VAC14: variants seen among roughly 807,000 people sequenced by gnomAD.
The protein encoded by VAC14 is protein VAC14 homolog.
In VAC14, 47 loss-of-function variants were observed where a neutral mutation model predicts 85.3. That is an observed-to-expected ratio of 0.55 (90% CI 0.44 to 0.70). The LOEUF (loss-of-function observed/expected upper bound fraction) is 0.70. Ranked by LOEUF, VAC14 falls within the 30% of genes least tolerant of loss-of-function variation. The probability of loss-of-function intolerance (pLI) is 0.00; values close to 1 mark genes in which losing one functional copy is unlikely to be tolerated. For missense variants in VAC14, 861 were observed against 1,004.3 expected, an observed-to-expected ratio of 0.86 and a Z score of 1.93; for synonymous variants, 447 against 430.5, an observed-to-expected ratio of 1.04 and a Z score of -0.47.
At chr16:70,783,240 C>T (rs1033184138) in intron 6 of VAC14, 101 bp from the exon 7 acceptor site, 29 of 1,313,080 alleles carry the variant, frequency 2.2e-5, no homozygotes, top group Middle Eastern at 1.9e-4. Flanking sequence ...ACCCAGAGGG[C>T]GGCTTGGCTT....
Position 70,744,455 on chromosome 16 carries a change from G to A in VAC14, c.1496C>T (p.Thr499Ile). Residue 499 changes from threonine (T) to isoleucine (I), a missense_variant, in exon 13 of 19, where the codon ACC becomes ATC. Transcript: ENST00000261776. Reference protein sequence around the residue: ...QASHSELQVPTPGRAGLLNTS... With the variant: ...QASHSELQVPIPGRAGLLNTS... ...GTTCAGTAGGCCGGCTCTGCCAGGGGTGGGCACCTGGAGCTCTGAGTGGCT... is the reference window on the plus strand; with the variant it reads ...GTTCAGTAGGCCGGCTCTGCCAGGGATGGGCACCTGGAGCTCTGAGTGGCT... 3.7e-6 allele frequency: 6 copies of A among 1,614,084 alleles called. No homozygotes were observed. The highest frequency in any genetic ancestry group is 5.1e-6 in the Non-Finnish European group (6 of 1,180,024).
chr16:70,731,716 G>T (rs1304973644), intron 13 of VAC14, 89 bp from the exon 14 acceptor site: 2 of 1,403,216 alleles, frequency 1.4e-6, no homozygotes, highest in East Asian at 4.7e-5. Flanking sequence ...AACTATAAAT[G>T]CCAAAAAGAT....
chr16:70,791,438 G>A (rs561655214), intron 1 of VAC14, among the ~76,000 whole-genome samples: 4 of 152,124 alleles, frequency 2.6e-5, no homozygotes, highest in Non-Finnish European at 5.9e-5. Context: ...AGGCTGGAGT[G>A]CAGTGGTGCG....
intron 18 of VAC14, chr16:70,691,455 C>T (rs1472126370): frequency 1.0e-6 from 1 of 984,824 alleles, no homozygotes; most frequent in South Asian, 4.7e-5. Context: ...CCCGGTGTGG[C>T]TTCTAGGCCT....
chr16:70,745,496 TGTGTGTGTGTGTGTGTGTGTGTGCGC>T (rs1427483677), intron 12 of VAC14, among the ~76,000 whole-genome samples: 2 of 146,698 alleles, frequency 1.4e-5, no homozygotes, highest in Admixed American at 1.4e-4. Context: ...TGTGTGTGTG[TGTGTGTGTGTGTGTGTGTGTGTGCGC>T]GTGTGCGCGC....
intron 14 of VAC14, among the ~76,000 whole-genome samples, chr16:70,728,946 TCTACCTCAATTCC>T (rs2054509168): frequency 6.6e-6 from 1 of 152,216 alleles, no homozygotes; most frequent in African/African-American, 2.4e-5. Context: ...ATAGCTAACC[TCTACCTCAATTCC>T]CTACCTGAAA....
intron 14 of VAC14, among the ~76,000 whole-genome samples, chr16:70,722,767 T>C (rs1348612760): frequency 6.6e-6 from 1 of 152,174 alleles, no homozygotes; most frequent in Admixed American, 6.5e-5. Context: ...GTTCCAAACC[T>C]ACCACTGTAT....
At position 70,692,940 on chromosome 16, in the gene VAC14, G is replaced by A. The variant is rs766784652; in HGVS notation, c.2067C>T (p.Asn689=). 1.2e-6 allele frequency: 2 copies of A among 1,611,360 alleles called. No individual in the cohort carries two copies. Among genetic ancestry groups the A allele is most frequent in the Non-Finnish European group, 1.7e-6 (2 of 1,179,530 alleles). The change falls in exon 18 of 19, where the codon AAC becomes AAT. Residue 689 remains asparagine (N), a synonymous_variant. Coordinates refer to ENST00000261776, the MANE Select transcript of VAC14 (RefSeq NM_018052.5). ...YLRLQLLDVK[N]NPYLIKALYG... ...AGAGGGCCTTGATCAGGTAGGGGTT[G>A]TTCTTCACGTCCAGCAGCTGCAGGC... is the stretch of plus-strand genomic sequence containing the variant.
At chr16:70,789,203 C>T (rs1410292815) in intron 1 of VAC14, among the ~76,000 whole-genome samples, 4 of 152,136 alleles carry the variant, frequency 2.6e-5, no homozygotes, top group Non-Finnish European at 2.9e-5. Context: ...ACACAGAAGG[C>T]GGTGGGAGGA....
At chr16:70,693,172 G>C (rs998513554) in intron 17 of VAC14, among the ~76,000 whole-genome samples, 3 of 152,206 alleles carry the variant, frequency 2.0e-5, no homozygotes, top group Non-Finnish European at 2.9e-5. Flanking sequence ...CAGTCGCGCT[G>C]CCCCCACCTC....
At chr16:70,691,629 G>A in intron 18 of VAC14, 1 of 985,496 alleles carries the variant, frequency 1.0e-6, no homozygotes, top group Non-Finnish European at 1.2e-6. Context: ...ACCGGCTCAA[G>A]GCCTAGTCCT....
At chr16:70,689,571 C>T in intron 18 of VAC14, 2 of 985,706 alleles carry the variant, frequency 2.0e-6, no homozygotes, top group Non-Finnish European at 2.4e-6. Context: ...CACCCCTGCT[C>T]AGCTCTGCCT....
At chr16:70,724,097 C>T (rs1407457864) in intron 14 of VAC14, among the ~76,000 whole-genome samples, 1 of 152,200 alleles carries the variant, frequency 6.6e-6, no homozygotes, top group African/African-American at 2.4e-5. Flanking sequence ...CCCTTTGAGG[C>T]TCTTGGGCCC....
At chr16:70,799,621 G>A (rs999873978) in intron 1 of VAC14, among the ~76,000 whole-genome samples, 3 of 152,214 alleles carry the variant, frequency 2.0e-5, no homozygotes, top group Non-Finnish European at 2.9e-5. Context: ...CCAGTGGGAA[G>A]AGGTCAGAGA....
chr16:70,730,162 C>T (rs546623008), intron 14 of VAC14, among the ~76,000 whole-genome samples: 54 of 151,994 alleles, frequency 3.6e-4, no homozygotes, highest in Middle Eastern at 3.4e-3. Context: ...TTCTCGAATC[C>T]GGCTGCAGCT....
intron 14 of VAC14, among the ~76,000 whole-genome samples, chr16:70,707,804 T>C (rs550334532): frequency 6.6e-6 from 1 of 151,556 alleles, no homozygotes; most frequent in South Asian, 2.1e-4. Context: ...CTTTTTTCTT[T>C]TTTTTTTTTT....
At chr16:70,753,227 G>A (rs2031544611) in intron 12 of VAC14, among the ~76,000 whole-genome samples, 1 of 152,230 alleles carries the variant, frequency 6.6e-6, no homozygotes, top group Admixed American at 6.5e-5. Flanking sequence ...AGCACAGGGT[G>A]TGGAACAGAG....
intron 18 of VAC14, chr16:70,689,083 A>G (rs1370763259): frequency 4.1e-6 from 4 of 985,470 alleles, no homozygotes; most frequent in East Asian, 1.1e-4. Context: ...AGGGGGGTGC[A>G]GGCACTGGCA....
intron 17 of VAC14, among the ~76,000 whole-genome samples, chr16:70,694,077 C>G (rs957689995): frequency 2.0e-5 from 3 of 152,214 alleles, no homozygotes; most frequent in African/African-American, 7.2e-5. Flanking sequence ...GTGGCCACAC[C>G]AGCCACCTCT....
Sources: gnomAD v4.1 joint callset for allele counts (sites outside exome capture counted in the v4.1 genomes callset) on GRCh38, gnomAD v4.1.1 for gene constraint, MANE v1.5 for transcripts, NCBI Gene and HGNC (gene_info 2026-07-23, HGNC 2026-07-21) for gene names.